The following RAI14 variants were observed in gnomAD, a reference collection of about 807,000 sequenced individuals.
The protein encoded by RAI14 is retinoic acid induced 14, also known as ankycorbin.
A neutral mutation model predicts 115.4 loss-of-function variants in RAI14; 45 were observed. The observed-to-expected ratio is 0.39, with a 90% CI of 0.31 to 0.50. The LOEUF (loss-of-function observed/expected upper bound fraction) is 0.50, where lower values mean the gene tolerates loss of function less well. Among genes scored for constraint, RAI14 ranks in the 20% least tolerant of loss-of-function variants. The pLI, the probability that RAI14 is intolerant of heterozygous loss-of-function variation, is 0.85. For missense variants in RAI14, 939 were observed against 1,131.2 expected, an observed-to-expected ratio of 0.83 and a Z score of 2.44; for synonymous variants, 371 against 415.4, an observed-to-expected ratio of 0.89 and a Z score of 1.30.
intron 2 of RAI14, among the ~76,000 whole-genome samples, chr5:34,703,808 A>G (rs145338190): frequency 6.6e-4 from 100 of 152,284 alleles, no homozygotes; most frequent in African/African-American, 2.3e-3. Context: ...ACTGCTTCAG[A>G]TTCTAGCAGT....
chr5:34,823,286 A>C lies in RAI14; in HGVS notation c.1444A>C (p.Ser482Arg), dbSNP rs1204593361. The change falls in exon 15 of 18, where the codon AGC becomes CGC. Residue 482 changes from serine (S) to arginine (R), a missense_variant. Coordinates refer to ENST00000265109, the MANE Select transcript of RAI14 (RefSeq NM_015577.3). This position sits in a 1 kb window ranked among gnomAD's most constrained non-coding sequence, Gnocchi z 4.5. ...TEISENSSDL[S>R]QKLKETQSKY... The stretch of plus-strand genomic sequence containing the variant: ...GATTTCAGAGAACAGCTCTGACCTC[A>C]GCCAGAAACTTAAAGAAACTCAGAG... 6.2e-7 allele frequency: 1 copy of C among 1,613,900 alleles called. No homozygotes were observed. The highest frequency in any genetic ancestry group is 1.3e-5 in the African/African-American group (1 of 74,932).
intron 3 of RAI14, among the ~76,000 whole-genome samples, chr5:34,759,541 G>T (rs1748347260): frequency 6.6e-6 from 1 of 152,128 alleles, no homozygotes; most frequent in Non-Finnish European, 1.5e-5. Flanking sequence ...GAGGGATCTA[G>T]GTTGTGAGCT....
intron 2 of RAI14, among the ~76,000 whole-genome samples, chr5:34,732,931 C>T (rs889912578): frequency 2.6e-5 from 4 of 152,026 alleles, no homozygotes; most frequent in Admixed American, 2.6e-4. Context: ...CTGACTTTCT[C>T]ATAGCCACTA....
intron 2 of RAI14, among the ~76,000 whole-genome samples, chr5:34,750,915 C>T (rs1309514560): frequency 4.1e-5 from 5 of 122,596 alleles, no homozygotes; most frequent in Admixed American, 2.1e-4. Context: ...TGCAATGGTG[C>T]GATCTCAGCT....
intron 4 of RAI14, among the ~76,000 whole-genome samples, chr5:34,802,350 T>C (rs181874811): frequency 6.6e-6 from 1 of 152,312 alleles, no homozygotes; most frequent in East Asian, 1.9e-4. Context: ...TCGGGCCTGG[T>C]TAGTACTTGG....
intron 1 of RAI14, among the ~76,000 whole-genome samples, chr5:34,660,434 C>T (rs1742602942): frequency 6.6e-6 from 1 of 152,168 alleles, no homozygotes; most frequent in African/African-American, 2.4e-5. Flanking sequence ...GAAACTCCAA[C>T]TCAAAGAGAG....
chr5:34,801,310 G>A (rs543792729), intron 4 of RAI14, among the ~76,000 whole-genome samples: 3 of 152,124 alleles, frequency 2.0e-5, no homozygotes, highest in Admixed American at 6.5e-5. Flanking sequence ...AGAAGGAATC[G>A]GATCATTTGA....
intron 3 of RAI14, among the ~76,000 whole-genome samples, chr5:34,768,777 T>TCA (rs984670920): frequency 6.6e-6 from 1 of 152,016 alleles, no homozygotes; most frequent in African/African-American, 2.4e-5. Flanking sequence ...TCGCTTGAGG[T>TCA]CAGAAGTTCA....
At chr5:34,737,790 A>C (rs1191599351) in intron 2 of RAI14, among the ~76,000 whole-genome samples, 1 of 152,092 alleles carries the variant, frequency 6.6e-6, no homozygotes, top group African/African-American at 2.4e-5. Context: ...AAAAAGCTTC[A>C]AAATTATCTG....
At chr5:34,825,770 C>T (rs1221744976) in intron 15 of RAI14, among the ~76,000 whole-genome samples, 1 of 152,052 alleles carries the variant, frequency 6.6e-6, no homozygotes, top group African/African-American at 2.4e-5. Flanking sequence ...GAATAGCATT[C>T]ATGAGAGACT....
intron 2 of RAI14, among the ~76,000 whole-genome samples, chr5:34,699,984 G>C (rs974824700): frequency 6.6e-6 from 1 of 152,174 alleles, no homozygotes; most frequent in African/African-American, 2.4e-5. Flanking sequence ...TCTGGTGCTA[G>C]AGATAAGGAG....
chr5:34,829,290 C>T (rs1287230416), intron 16 of RAI14, among the ~76,000 whole-genome samples: 3 of 151,952 alleles, frequency 2.0e-5, no homozygotes, highest in South Asian at 2.1e-4. Context: ...TAGGTTCAAG[C>T]GATTCTCTTG....
intron 2 of RAI14, among the ~76,000 whole-genome samples, chr5:34,721,291 G>GTGTA (rs1295765799): frequency 5.3e-5 from 7 of 131,172 alleles, no homozygotes; most frequent in South Asian, 2.8e-4. Flanking sequence ...ATGTAGATGT[G>GTGTA]TATATATATA....
intron 2 of RAI14, among the ~76,000 whole-genome samples, chr5:34,755,466 A>G (rs1747766624): frequency 6.6e-6 from 1 of 152,154 alleles, no homozygotes. Context: ...CTTCTTCAGT[A>G]GCACTAGCCA....
chr5:34,770,649 G>A (rs1750035367), intron 3 of RAI14, among the ~76,000 whole-genome samples: 1 of 152,198 alleles, frequency 6.6e-6, no homozygotes, highest in Non-Finnish European at 1.5e-5. Context: ...CTGGTGGAAG[G>A]AACTGCAAGG....
At chr5:34,712,236 A>G (rs556662139) in intron 2 of RAI14, among the ~76,000 whole-genome samples, 6 of 152,342 alleles carry the variant, frequency 3.9e-5, no homozygotes, top group African/African-American at 1.2e-4. Context: ...TATAAACATC[A>G]CTAATCAAAT....
At chr5:34,821,979 T>A (rs1338299350) in intron 14 of RAI14, 129 bp downstream of exon 14, 2 of 480,854 alleles carry the variant, frequency 4.2e-6, no homozygotes, top group Non-Finnish European at 7.4e-6. Flanking sequence ...AAGCATCTTA[T>A]AGTTTCAGAT....
At chr5:34,801,103 A>G (rs1754205260) in intron 4 of RAI14, among the ~76,000 whole-genome samples, 1 of 152,206 alleles carries the variant, frequency 6.6e-6, no homozygotes, top group South Asian at 2.1e-4. Flanking sequence ...CTCATATAAT[A>G]TAACAGGAGG....
intron 2 of RAI14, among the ~76,000 whole-genome samples, chr5:34,740,719 C>A (rs1245679273): frequency 6.6e-6 from 1 of 152,170 alleles, no homozygotes; most frequent in East Asian, 1.9e-4. Flanking sequence ...AATGTCATGG[C>A]CCCTTGTCTC....
Sources: allele counts gnomAD v4.1 joint callset (sites outside exome capture counted in the v4.1 genomes callset), GRCh38; gene constraint gnomAD v4.1.1; non-coding constraint Gnocchi (gnomAD v3.1); transcripts MANE v1.5; gene names NCBI Gene and HGNC (gene_info 2026-07-23, HGNC 2026-07-21).